UBE2F: variants seen among roughly 807,000 people sequenced by gnomAD.
UBE2F encodes ubiquitin conjugating enzyme E2 F (putative).
A neutral mutation model predicts 29.6 loss-of-function variants in UBE2F; 5 were observed. The observed-to-expected ratio is 0.17, with a 90% confidence interval of 0.09 to 0.36. The LOEUF is 0.36. Ranked by LOEUF, UBE2F falls within the 10% of genes least tolerant of loss-of-function variation. UBE2F has a pLI of 1.00. For missense variants in UBE2F, 141 were observed against 228.5 expected (o/e 0.62, Z 2.47); for synonymous variants, 66 against 81.8 (o/e 0.81, Z 1.04).
intron 3 of UBE2F, chr2:237,990,499 C>A: frequency 2.5e-6 from 1 of 408,010 alleles, no homozygotes; most frequent in South Asian, 1.8e-5. Context: ...ACCTCCTGGG[C>A]TCAAGTGATC....
rs1466095694 is a variant in UBE2F, at chr2:237,994,629, A to G, written c.149-115A>G. 7.7e-6 allele frequency: 6 copies of G among 778,918 alleles called. No individual in the cohort carries two copies. In the East Asian group the frequency reaches 1.5e-4, roughly 20 times the overall value. 48.3% of individuals were successfully genotyped at this position (778,918 alleles called of 1,614,324 possible). On this transcript the variant is annotated intron_variant, in intron 3 of 9. Transcript: ENST00000272930. ...AGGGAGGGAGATCTACCAACTTTCC[A>G]TAAACCATACGAATCCCTGTAGCAC...
At chr2:238,017,214 A>G (rs1222170325) in intron 5 of UBE2F, among the ~76,000 whole-genome samples, 1 of 152,256 alleles carries the variant, frequency 6.6e-6, no homozygotes, top group Non-Finnish European at 1.5e-5. Context: ...AGTGATACTC[A>G]TCAATGATAG....
chr2:237,993,189 C>T (rs11690156), intron 3 of UBE2F, among the ~76,000 whole-genome samples: 130,630 of 152,076 alleles, frequency 0.86, 56,260 homozygotes, highest in East Asian at 0.97. Context: ...GGTTTCACCA[C>T]GTTGGCCAGG....
chr2:238,016,669 T>C lies in UBE2F; in HGVS notation c.282+36T>C. The stretch of plus-strand genomic sequence containing the variant: ...TGCGTTGAGCCTGTTGTTTTACTTC[T>C]CGGGCGGGGCTGCCTGTGGCTGTGG... On this transcript the variant is annotated intron_variant, in intron 5 of 9. Transcript: ENST00000272930. 5 of 1,591,018 alleles carry C rather than the reference T, an allele frequency of 3.1e-6. No homozygotes were observed. In the South Asian group the frequency reaches 5.8e-5, roughly 18 times the overall value.
chr2:237,994,475 C>A (rs1335700126), intron 3 of UBE2F, among the ~76,000 whole-genome samples: 1 of 152,044 alleles, frequency 6.6e-6, no homozygotes, highest in African/African-American at 2.4e-5. Flanking sequence ...GGTTTAGTGA[C>A]CACTTAAAGG....
chr2:238,037,278 T>C (rs896971683), intron 9 of UBE2F, among the ~76,000 whole-genome samples: 6 of 152,198 alleles, frequency 3.9e-5, no homozygotes, highest in Non-Finnish European at 8.8e-5. Context: ...CTGAAAGAAT[T>C]ATAGTTGCTG....
chr2:238,016,691 G>A, intron 5 of UBE2F, 58 bp downstream of exon 5: 1 of 1,500,308 alleles, frequency 6.7e-7, no homozygotes, highest in Admixed American at 1.9e-5. Flanking sequence ...GCCTGTGGCT[G>A]TGGCCCGCCA....
chr2:237,978,529 C>G (rs2063325901), intron 2 of UBE2F, among the ~76,000 whole-genome samples: 1 of 152,220 alleles, frequency 6.6e-6, no homozygotes, highest in African/African-American at 2.4e-5. Flanking sequence ...ATGTGGCCTG[C>G]TTTGGAGTGG....
intron 1 of UBE2F, among the ~76,000 whole-genome samples, chr2:237,970,525 A>G (rs2063153852): frequency 6.6e-6 from 1 of 152,140 alleles, no homozygotes; most frequent in Non-Finnish European, 1.5e-5. Flanking sequence ...TGGGAGTGAG[A>G]GAAGTCCATT....
At chr2:238,025,319 C>G in intron 5 of UBE2F, 23 bp from the exon 6 acceptor site, 1 of 1,609,220 alleles carries the variant, frequency 6.2e-7, no homozygotes, top group Non-Finnish European at 8.5e-7. Context: ...GGCGTGATCT[C>G]TCTCATTGTC....
At chr2:238,009,803 A>G (rs1025402535) in intron 4 of UBE2F, among the ~76,000 whole-genome samples, 1 of 152,150 alleles carries the variant, frequency 6.6e-6, no homozygotes, top group African/African-American at 2.4e-5. Context: ...TTTAAGTTTA[A>G]AGTTTGCATA....
At chr2:237,991,605 C>CTTTTTTTTTTTTTTTTTTTTTTT (rs1559207747) in intron 3 of UBE2F, among the ~76,000 whole-genome samples, 1 of 25,024 alleles carries the variant, frequency 4.0e-5, no homozygotes, top group African/African-American at 1.7e-4. Flanking sequence ...TCTTTTCTTT[C>CTTTTTTTTTTTTTTTTTTTTTTT]TTTCTTTTTT....
intron 2 of UBE2F, among the ~76,000 whole-genome samples, chr2:237,978,634 C>T (rs1206576905): frequency 6.6e-6 from 1 of 152,228 alleles, no homozygotes; most frequent in African/African-American, 2.4e-5. Context: ...TGAGGGCACC[C>T]TCTGGGCTGG....
At chr2:238,014,852 T>C (rs1047041198) in intron 4 of UBE2F, among the ~76,000 whole-genome samples, 2 of 152,260 alleles carry the variant, frequency 1.3e-5, no homozygotes, top group Non-Finnish European at 2.9e-5. Context: ...ATGCCACTTA[T>C]TTGAAAAGTT....
intron 5 of UBE2F, among the ~76,000 whole-genome samples, chr2:238,017,953 A>T (rs914656458): frequency 6.6e-6 from 1 of 152,194 alleles, no homozygotes; most frequent in African/African-American, 2.4e-5. Context: ...ACCTTCATCT[A>T]TGGAAATTGA....
Position 238,030,539 on chromosome 2 carries a change from G to C in UBE2F, c.354-17G>C. On this transcript the variant is annotated splice_polypyrimidine_tract_variant and intron_variant, in intron 6 of 9. Coordinates refer to ENST00000272930, the MANE Select transcript of UBE2F (RefSeq NM_080678.3). ...GTGGCTGCTCCTCACTAACCACTGT[G>C]TGTTTGTCTTTTTCAGTTTATTGAG... 6.2e-7 allele frequency: 1 copy of C among 1,609,834 alleles called. No individual in the cohort carries two copies.
At chr2:238,010,363 G>A (rs1481380560) in intron 4 of UBE2F, among the ~76,000 whole-genome samples, 2 of 152,072 alleles carry the variant, frequency 1.3e-5, no homozygotes, top group Non-Finnish European at 2.9e-5. Flanking sequence ...TAGTATAGAC[G>A]GGTTTCACCA....
At chr2:238,027,051 G>A (rs1370579929) in intron 6 of UBE2F, among the ~76,000 whole-genome samples, 6 of 152,136 alleles carry the variant, frequency 3.9e-5, no homozygotes, top group Non-Finnish European at 7.3e-5. Context: ...TCTTGTCCCT[G>A]CCTTAGTCAG....
intron 6 of UBE2F, among the ~76,000 whole-genome samples, chr2:238,027,392 A>T (rs999575382): frequency 2.6e-5 from 4 of 152,182 alleles, no homozygotes; most frequent in African/African-American, 9.7e-5. Context: ...ATCTGAGGAG[A>T]TGTTCACTCT....
Sources: gnomAD v4.1 joint callset for allele counts (sites outside exome capture counted in the v4.1 genomes callset) on GRCh38, gnomAD v4.1.1 for gene constraint, MANE v1.5 for transcripts, NCBI Gene and HGNC (gene_info 2026-07-23, HGNC 2026-07-21) for gene names.